The following PRKG1 variants were observed in gnomAD, a reference collection of about 807,000 sequenced individuals.
The protein encoded by PRKG1 is cGMP-dependent protein kinase 1.
PRKG1 carries 35 observed loss-of-function variants against 88.1 expected under a neutral mutation model. The observed-to-expected ratio is 0.40, with a 90% confidence interval of 0.30 to 0.53. The LOEUF (loss-of-function observed/expected upper bound fraction) is 0.53. Ranked by LOEUF, PRKG1 falls within the 20% of genes least tolerant of loss-of-function variation. PRKG1 has a pLI of 0.59. For missense variants in PRKG1, 540 were observed against 839.8 expected (o/e 0.64, Z 4.41); for synonymous variants, 303 against 292.5 (o/e 1.04, Z -0.37).
rs1174731211 is a variant in PRKG1 at position 51,905,823 on chromosome 10, A to G, written c.699-1684A>G. Reference sequence around the variant, plus strand: ...AGGTCTAATCACTGTCCTATGAAGCATTCACAAATCCATGCTTTCATAACT... The same window carrying G: ...AGGTCTAATCACTGTCCTATGAAGCGTTCACAAATCCATGCTTTCATAACT... On this transcript the variant is annotated intron_variant, in intron 4 of 17. Transcript: ENST00000373980. 2.0e-5 allele frequency among the ~76,000 whole-genome samples: 3 copies of G among 152,222 alleles called. No individual in the cohort carries two copies. The East Asian group carries it at 5.8e-4, about 29-fold the overall frequency.
intron 3 of PRKG1, among the ~76,000 whole-genome samples, chr10:51,581,610 C>G (rs1312480809): frequency 6.6e-6 from 1 of 152,136 alleles, no homozygotes; most frequent in Non-Finnish European, 1.5e-5. Flanking sequence ...TTCATAGGCT[C>G]TCTGTAGGGG....
At chr10:51,936,628 G>A (rs1723645227) in intron 5 of PRKG1, among the ~76,000 whole-genome samples, 3 of 151,982 alleles carry the variant, frequency 2.0e-5, no homozygotes, top group Admixed American at 2.0e-4. Context: ...CATTTATCAT[G>A]CTGGGGGTAG....
intron 9 of PRKG1, among the ~76,000 whole-genome samples, chr10:52,208,085 A>T (rs1839867947): frequency 6.6e-6 from 1 of 152,192 alleles, no homozygotes; most frequent in African/African-American, 2.4e-5. Context: ...GTGAGGCAGC[A>T]GTGGAGTCAA....
At chr10:51,961,184 T>C (rs1843438192) in intron 5 of PRKG1, among the ~76,000 whole-genome samples, 1 of 152,204 alleles carries the variant, frequency 6.6e-6, no homozygotes, top group Non-Finnish European at 1.5e-5. Context: ...GTCTTGATAT[T>C]GTGGGGGGAG....
chr10:51,629,319 T>C (rs1839464830), intron 3 of PRKG1, among the ~76,000 whole-genome samples: 1 of 152,110 alleles, frequency 6.6e-6, no homozygotes, highest in Non-Finnish European at 1.5e-5. Flanking sequence ...TTGAGGATGA[T>C]TCAAGGGCAT....
chr10:51,074,297 C>A (rs1017024145), upstream of PRKG1: 2 of 408,552 alleles, frequency 4.9e-6, no homozygotes, highest in Non-Finnish European at 8.1e-6. Context: ...TCTTCTCCCC[C>A]GCGCCGCGGC....
chr10:52,286,865 A>C (rs1842127895), intron 14 of PRKG1, among the ~76,000 whole-genome samples: 1 of 151,964 alleles, frequency 6.6e-6, no homozygotes, highest in African/African-American at 2.4e-5. Flanking sequence ...ATACTTCTAA[A>C]TTTAAAAATA....
In PRKG1 at chr10:51,899,620, T is replaced by C. The variant is rs542586229; in HGVS notation, c.699-7887T>C. ...TTGCAGTGAGCCCAGATCCCACCATTGCACTCCAGCTTGGGCGACAGCGTG... is the reference window on the plus strand; with the variant it reads ...TTGCAGTGAGCCCAGATCCCACCATCGCACTCCAGCTTGGGCGACAGCGTG... On this transcript the variant is annotated intron_variant, in intron 4 of 17. Coordinates refer to ENST00000373980, the MANE Select transcript of PRKG1 (RefSeq NM_006258.4). 6.8e-5 allele frequency among the ~76,000 whole-genome samples: 10 copies of C among 146,980 alleles called. No individual in the cohort carries two copies. In the South Asian group the frequency reaches 1.3e-3, roughly 19 times the overall value.
chr10:51,263,746 C>A (rs1839773854), intron 2 of PRKG1, among the ~76,000 whole-genome samples: 1 of 152,126 alleles, frequency 6.6e-6, no homozygotes, highest in East Asian at 1.9e-4. Flanking sequence ...AAATTTCCTG[C>A]TGATTTATGA....
intron 7 of PRKG1, among the ~76,000 whole-genome samples, chr10:52,125,146 T>C (rs1161016531): frequency 6.6e-6 from 1 of 152,164 alleles, no homozygotes; most frequent in African/African-American, 2.4e-5. Flanking sequence ...CTATGCAAGG[T>C]ACATAATCAT....
chr10:52,166,526 C>T (rs1384283661), intron 9 of PRKG1, among the ~76,000 whole-genome samples: 10 of 146,312 alleles, frequency 6.8e-5, no homozygotes, highest in African/African-American at 9.9e-5. Context: ...CTCCGCCTCC[C>T]GGGTTCACAC....
chr10:52,077,600 G>A (rs1408914188), intron 7 of PRKG1, among the ~76,000 whole-genome samples: 3 of 152,116 alleles, frequency 2.0e-5, no homozygotes, highest in African/African-American at 7.2e-5. Flanking sequence ...CTTATTTAAT[G>A]TCAATTATAC....
At chr10:51,205,130 T>TC (rs34186995) in intron 2 of PRKG1, among the ~76,000 whole-genome samples, 8,913 of 71,750 alleles carry the variant, frequency 0.12, 1,708 homozygotes, top group South Asian at 0.23. Context: ...TTCTTTTCTT[T>TC]TTTTTTTTTT....
chr10:51,294,803 G>A (rs1285502208), intron 2 of PRKG1, among the ~76,000 whole-genome samples: 1 of 152,176 alleles, frequency 6.6e-6, no homozygotes, highest in Non-Finnish European at 1.5e-5. Context: ...GCCAGGCACA[G>A]TGGCTTACTC....
In PRKG1 at chr10:52,109,763, A is replaced by AG. The variant is rs1564472626; in HGVS notation, c.936-24077_936-24076insG. ...GGGTGACAGAGCCAGACTCCATCTCAAAAAAAAATCTTATCTCAAAAATGA... is the reference window on the plus strand; with the variant it reads ...GGGTGACAGAGCCAGACTCCATCTCAGAAAAAAAATCTTATCTCAAAAATGA... On this transcript the variant is annotated intron_variant, in intron 7 of 17. Transcript: ENST00000373980. Among the ~76,000 whole-genome samples, 228 of 151,456 alleles carry AG rather than the reference A, an allele frequency of 1.5e-3. 1 individual carries two copies. The highest frequency in any genetic ancestry group is 5.1e-3 in the African/African-American group (211 of 41,164).
At chr10:52,048,772 C>A (rs970341487) in intron 5 of PRKG1, among the ~76,000 whole-genome samples, 2 of 150,918 alleles carry the variant, frequency 1.3e-5, no homozygotes. Flanking sequence ...AAATGTATTG[C>A]TTAATTTAGA....
chr10:51,436,389 G>A lies in PRKG1; in HGVS notation c.479-31334G>A, dbSNP rs148477991. On this transcript the variant is annotated intron_variant, in intron 2 of 17. Coordinates refer to ENST00000373980, the MANE Select transcript of PRKG1 (RefSeq NM_006258.4). ...TGTATTCTCTTGTCTACCAACTGATGCTGCAGTTTTTTCTCGTCATCAACA... is the reference window on the plus strand; with the variant it reads ...TGTATTCTCTTGTCTACCAACTGATACTGCAGTTTTTTCTCGTCATCAACA... 5.9e-5 allele frequency among the ~76,000 whole-genome samples: 9 copies of A among 151,972 alleles called. No homozygotes were observed. The East Asian group carries it at 1.7e-3, about 29-fold the overall frequency.
chr10:51,431,906 G>A (rs1000336533), intron 2 of PRKG1, among the ~76,000 whole-genome samples: 27 of 152,060 alleles, frequency 1.8e-4, no homozygotes, highest in Admixed American at 1.6e-3. Flanking sequence ...CTGCCCACAT[G>A]TTTTTACCAC....
chr10:51,669,939 GATCTATCA>G (rs1303615948), intron 3 of PRKG1, among the ~76,000 whole-genome samples: 2 of 151,970 alleles, frequency 1.3e-5, no homozygotes, highest in Non-Finnish European at 2.9e-5. Flanking sequence ...TTCCTTACTT[GATCTATCA>G]ATTTCAGAGG....
Sources: allele counts gnomAD v4.1 joint callset (sites outside exome capture counted in the v4.1 genomes callset), GRCh38; gene constraint gnomAD v4.1.1; transcripts MANE v1.5; gene names NCBI Gene and HGNC (gene_info 2026-07-23, HGNC 2026-07-21).